Variants in TMEM87B observed in about 807,000 individuals in gnomAD.
The protein encoded by TMEM87B is transmembrane protein 87B.
A neutral mutation model predicts 80.3 loss-of-function variants in TMEM87B; 83 were observed. The ratio of observed to expected loss-of-function variants is 1.03; its 90% CI spans 0.87 to 1.24. TMEM87B has a LOEUF of 1.24. Among genes scored for constraint, TMEM87B ranks in the 50% most tolerant of loss-of-function variants. The pLI, the probability that TMEM87B is intolerant of heterozygous loss-of-function variation, is 0.00. For synonymous variants in TMEM87B, 219 were observed against 230.5 expected (o/e 0.95, Z 0.45); for missense variants, 625 against 674.4 (o/e 0.93, Z 0.81).
intron 17 of TMEM87B, among the ~76,000 whole-genome samples, 181 bp downstream of exon 17, chr2:112,108,021 T>A (rs1357905169): frequency 6.6e-6 from 1 of 152,190 alleles, no homozygotes; most frequent in East Asian, 1.9e-4. Context: ...CTTGTTTTGT[T>A]TTTCACGATA....
intron 16 of TMEM87B, among the ~76,000 whole-genome samples, chr2:112,106,607 G>A (rs1679775607): frequency 6.6e-6 from 1 of 150,740 alleles, no homozygotes; most frequent in Non-Finnish European, 1.5e-5. Flanking sequence ...GAATAAAATT[G>A]TAAAACATTG....
At chr2:112,073,060 C>T (rs1187780340) in intron 4 of TMEM87B, among the ~76,000 whole-genome samples, 2 of 151,876 alleles carry the variant, frequency 1.3e-5, no homozygotes, top group Non-Finnish European at 2.9e-5. Context: ...CCACCACACC[C>T]AGCTAACTTT....
rs1573670295 is a variant in TMEM87B, at chr2:112,055,509, G to C, written c.-83G>C. 1 of 1,377,382 alleles carries C rather than the reference G, an allele frequency of 7.3e-7. No homozygotes were observed. Among genetic ancestry groups the C allele is most frequent in the Non-Finnish European group, 9.4e-7 (1 of 1,065,870 alleles). 85.3% of individuals were successfully genotyped at this position (1,377,382 alleles called of 1,614,324 possible). On this transcript the variant is annotated 5_prime_UTR_variant, in exon 1 of 19. Coordinates refer to ENST00000283206, the MANE Select transcript of TMEM87B (RefSeq NM_032824.3). ...AGTCCGAGCCCCGCGTCCCGGATTC[G>C]GACCCGCCTGCCTGGGGCGGTGCTG...
intron 18 of TMEM87B, among the ~76,000 whole-genome samples, chr2:112,115,850 G>A (rs1012936369): frequency 6.6e-6 from 1 of 151,976 alleles, no homozygotes; most frequent in Non-Finnish European, 1.5e-5. Flanking sequence ...TGCCCAGGCC[G>A]GTCTCGAACT....
Position 112,090,128 on chromosome 2 carries a change from T to C in TMEM87B, c.1032+410T>C, listed in dbSNP as rs190755712. Among the ~76,000 whole-genome samples, 337 of 152,334 alleles carry C rather than the reference T, an allele frequency of 2.2e-3. 4 individuals are homozygous for C. The highest frequency in any genetic ancestry group is 6.8e-3 in the Middle Eastern group (2 of 294). ...ACATACAGTACATTCCATCACTCTT[T>C]TAAGTCTCATTTGTTTATTCATTTT... On this transcript the variant is annotated intron_variant, in intron 10 of 18. Transcript: ENST00000283206.
chr2:112,078,158 G>A (rs541506707), intron 6 of TMEM87B, among the ~76,000 whole-genome samples: 1 of 152,184 alleles, frequency 6.6e-6, no homozygotes, highest in Admixed American at 6.5e-5. Context: ...CAAGTAGAGG[G>A]AGCAGGGACC....
At chr2:112,093,219 G>GT (rs1679355442) in intron 11 of TMEM87B, among the ~76,000 whole-genome samples, 2 of 152,148 alleles carry the variant, frequency 1.3e-5, no homozygotes, top group Admixed American at 1.3e-4. Flanking sequence ...TCTAAGCTGG[G>GT]TCTACCTATT....
intron 18 of TMEM87B, 32 bp downstream of exon 18, chr2:112,112,961 C>A: frequency 6.3e-7 from 1 of 1,593,158 alleles, no homozygotes; most frequent in South Asian, 1.1e-5. Context: ...TTCCTTGGAG[C>A]TGATATTTTC....
intron 1 of TMEM87B, among the ~76,000 whole-genome samples, chr2:112,059,527 G>C (rs1385026168): frequency 6.6e-6 from 1 of 152,174 alleles, no homozygotes; most frequent in African/African-American, 2.4e-5. Flanking sequence ...GGCAGGACTT[G>C]ATTATTCACG....
intron 3 of TMEM87B, among the ~76,000 whole-genome samples, chr2:112,065,817 C>T (rs575153429): frequency 6.6e-6 from 1 of 152,172 alleles, no homozygotes; most frequent in Non-Finnish European, 1.5e-5. Flanking sequence ...TGGATTTCCC[C>T]CCTTTTTGGT....
chr2:112,065,613 C>T (rs1053538068), intron 3 of TMEM87B, among the ~76,000 whole-genome samples: 4 of 147,996 alleles, frequency 2.7e-5, no homozygotes, highest in African/African-American at 1.0e-4. Context: ...CCACTGCACT[C>T]CAGCCTGGGA....
intron 17 of TMEM87B, among the ~76,000 whole-genome samples, chr2:112,110,342 T>G (rs1450974650): frequency 1.3e-5 from 2 of 152,222 alleles, no homozygotes; most frequent in African/African-American, 4.8e-5. Flanking sequence ...TGATTATGAT[T>G]GATTCTTTGA....
At position 112,116,019 on chromosome 2, in the gene TMEM87B, A is replaced by G. The variant is rs1680013504; in HGVS notation, c.1609-65A>G. 7.4e-6 allele frequency: 10 copies of G among 1,354,562 alleles called. No homozygotes were observed. In the Admixed American group the frequency reaches 1.7e-4, roughly 24 times the overall value. The allele number at this position is 1,354,562 out of a possible 1,614,324, so 83.9% of individuals were successfully genotyped here. Reference sequence around the variant, plus strand: ...AATGTGGCTGTTGAAAGATTAGAAAATTTTTGTTAGGGTTCTGGAAGTAGT... The same window carrying G: ...AATGTGGCTGTTGAAAGATTAGAAAGTTTTTGTTAGGGTTCTGGAAGTAGT... On this transcript the variant is annotated intron_variant, in intron 18 of 18. Transcript: ENST00000283206.
intron 2 of TMEM87B, among the ~76,000 whole-genome samples, chr2:112,062,332 AT>A (rs1468861110): frequency 6.6e-6 from 1 of 152,248 alleles, no homozygotes; most frequent in East Asian, 1.9e-4. Flanking sequence ...GTGCTAAAAA[AT>A]ATCTCAATGT....
At chr2:112,116,023 T>A (rs1680013736) in intron 18 of TMEM87B, 61 bp from the exon 19 acceptor site, 2 of 1,388,842 alleles carry the variant, frequency 1.4e-6, no homozygotes, top group African/African-American at 2.9e-5. Context: ...TAGAAAATTT[T>A]TGTTAGGGTT....
chr2:112,068,861 T>C (rs964125398), intron 4 of TMEM87B, among the ~76,000 whole-genome samples: 2 of 152,166 alleles, frequency 1.3e-5, no homozygotes, highest in Non-Finnish European at 2.9e-5. Context: ...TTTTTTAACT[T>C]TTATTTTCAG....
chr2:112,057,296 C>T (rs532486648), intron 1 of TMEM87B, among the ~76,000 whole-genome samples: 2 of 152,308 alleles, frequency 1.3e-5, no homozygotes, highest in South Asian at 4.1e-4. Context: ...TTGTTTGAGA[C>T]AGAGTCTTGT....
intron 11 of TMEM87B, chr2:112,095,408 A>G (rs1427188613): frequency 3.0e-6 from 3 of 984,090 alleles, no homozygotes; most frequent in Non-Finnish European, 1.2e-6. Flanking sequence ...CTTTACCTAA[A>G]TTTAACAGTG....
chr2:112,101,938 C>T, intron 15 of TMEM87B, among the ~76,000 whole-genome samples: 1 of 152,102 alleles, frequency 6.6e-6, no homozygotes, highest in East Asian at 1.9e-4. Context: ...CATATAACAA[C>T]CCAATTTTAA....
Sources: allele counts gnomAD v4.1 joint callset (sites outside exome capture counted in the v4.1 genomes callset), GRCh38; gene constraint gnomAD v4.1.1; transcripts MANE v1.5; gene names NCBI Gene and HGNC (gene_info 2026-07-23, HGNC 2026-07-21).